RAP1A: variants seen among roughly 807,000 people sequenced by gnomAD.
RAP1A encodes ras-related protein Rap-1A.
Under a neutral mutation model 26.4 loss-of-function variants are expected in RAP1A, and 6 were observed. The ratio of observed to expected loss-of-function variants is 0.23; its 90% confidence interval spans 0.12 to 0.45. RAP1A has a LOEUF of 0.45. RAP1A is among the 20% of genes least tolerant of loss of function. RAP1A has a pLI of 0.99. For missense variants in RAP1A, 121 were observed against 217.2 expected, an observed-to-expected ratio of 0.56 and a Z score of 2.78; for synonymous variants, 73 against 79.4, an observed-to-expected ratio of 0.92 and a Z score of 0.43.
At chr1:111,583,011 T>G (rs1379623196) in intron 1 of RAP1A, among the ~76,000 whole-genome samples, 2 of 152,240 alleles carry the variant, frequency 1.3e-5, no homozygotes, top group Non-Finnish European at 2.9e-5. Flanking sequence ...CAATTCACTT[T>G]CATGGAAAGT....
chr1:111,600,899 T>C (rs1205192402), intron 1 of RAP1A, among the ~76,000 whole-genome samples: 1 of 152,174 alleles, frequency 6.6e-6, no homozygotes, highest in Admixed American at 6.5e-5. Context: ...TCAGGGTGAT[T>C]AAGAGAAAAA....
At chr1:111,557,319 C>T (rs1402397345) in intron 1 of RAP1A, among the ~76,000 whole-genome samples, 1 of 152,136 alleles carries the variant, frequency 6.6e-6, no homozygotes, top group Non-Finnish European at 1.5e-5. Context: ...GAGTCCGAGA[C>T]AGGCAGATCA....
intron 1 of RAP1A, among the ~76,000 whole-genome samples, chr1:111,549,765 C>A (rs1384305436): frequency 6.6e-6 from 1 of 152,134 alleles, no homozygotes; most frequent in Non-Finnish European, 1.5e-5. Flanking sequence ...CCTTCCACTG[C>A]AGCCCCCCAT....
chr1:111,648,465 T>C, intron 1 of RAP1A: 1 of 550,570 alleles, frequency 1.8e-6, no homozygotes, highest in Non-Finnish European at 3.4e-6. Flanking sequence ...GCCTCTAGTT[T>C]GACCTTGATA....
rs568199214 is a variant in RAP1A at position 111,699,664 on chromosome 1, C to T, written c.183+2167C>T. Among the ~76,000 whole-genome samples, 7 of 150,828 alleles carry T rather than the reference C, an allele frequency of 4.6e-5. No homozygotes were observed. In the South Asian group the frequency reaches 1.5e-3, roughly 32 times the overall value. On this transcript the variant is annotated intron_variant, in intron 4 of 7. Coordinates refer to ENST00000369709, the MANE Select transcript of RAP1A (RefSeq NM_002884.4). ...TTTTAATTTTTTGTAGAGACAGGGT[C>T]TCACTATATTGTCCAAGCTGGTCTT...
At chr1:111,648,785 C>T in intron 1 of RAP1A, 4 of 641,486 alleles carry the variant, frequency 6.2e-6, no homozygotes, top group Admixed American at 5.8e-5. Context: ...ACTTGTCTAG[C>T]TCCTGTCGAT....
chr1:111,573,916 C>T (rs1310203268), intron 1 of RAP1A, among the ~76,000 whole-genome samples: 3 of 152,044 alleles, frequency 2.0e-5, no homozygotes, highest in African/African-American at 7.3e-5. Context: ...TGTCTGTTTA[C>T]TCTGTTGATA....
upstream of RAP1A, among the ~76,000 whole-genome samples, chr1:111,619,356 T>C (rs1283087750): frequency 6.6e-6 from 1 of 152,192 alleles, no homozygotes; most frequent in Non-Finnish European, 1.5e-5. Flanking sequence ...GCAATTTTTG[T>C]CACTTGTTTG....
rs187818992 is a variant in RAP1A, at chr1:111,561,969, C to G, written c.-28+19460C>G. On this transcript the variant is annotated intron_variant, in intron 1 of 7. Transcript: ENST00000356415. ...CCTCCCTACTGACACCAGGTCATCC[C>G]TAGTTTAAATTTCTGCTTACGATAG... Among the ~76,000 whole-genome samples the G allele has an allele frequency of 7.5e-3, 1,146 of 151,936 alleles. 12 individuals are homozygous for G. Among genetic ancestry groups the G allele is most frequent in the African/African-American group, 0.026 (1,069 of 41,240 alleles).
chr1:111,682,585 T>C (rs1268568865), intron 1 of RAP1A, among the ~76,000 whole-genome samples: 1 of 150,278 alleles, frequency 6.7e-6, no homozygotes, highest in Non-Finnish European at 1.5e-5. Flanking sequence ...AAAAAGACAG[T>C]GGCATTACAT....
intron 1 of RAP1A, chr1:111,649,367 C>T (rs967829430): frequency 3.4e-5 from 13 of 382,076 alleles, no homozygotes; most frequent in Admixed American, 1.5e-4. Context: ...GCCAGCCCCT[C>T]GGCCATCCCT....
At chr1:111,697,382 A>G in intron 3 of RAP1A, 59 bp from the exon 4 acceptor site, 1 of 1,607,130 alleles carries the variant, frequency 6.2e-7, no homozygotes, top group Non-Finnish European at 8.5e-7. Context: ...AGGTGGGAAG[A>G]AAACAGAATG....
In RAP1A at chr1:111,716,197, G is replaced by A. The variant is rs117403333; in HGVS notation, c.*3796G>A. On this transcript the variant is annotated 3_prime_UTR_variant, in exon 8 of 8. Transcript: ENST00000369709. The stretch of plus-strand genomic sequence containing the variant: ...AGGCTTAAAAGGGCAGAGTGGTTTG[G>A]ATTCTTGTCCAGGGTCTGGAAAGAG... The A allele has an allele frequency of 6.6e-5, 10 of 152,330 alleles. No homozygotes were observed. In the East Asian group the frequency reaches 7.7e-4, roughly 12 times the overall value. 9.4% of individuals were successfully genotyped at this position (152,330 alleles called of 1,614,324 possible). A position where few individuals can be genotyped will look rare whatever the true frequency, so the allele number is the denominator to read the frequency against.
intron 4 of RAP1A, among the ~76,000 whole-genome samples, chr1:111,701,191 A>G (rs1459729656): frequency 6.6e-6 from 1 of 151,994 alleles, no homozygotes; most frequent in African/African-American, 2.4e-5. Context: ...CCACTGCTAT[A>G]CTCACCCACT....
At chr1:111,546,281 C>G (rs1487577953) in intron 1 of RAP1A, among the ~76,000 whole-genome samples, 1 of 152,060 alleles carries the variant, frequency 6.6e-6, no homozygotes, top group African/African-American at 2.4e-5. Context: ...ACCATTTTAA[C>G]TATTTTAAGT....
chr1:111,652,573 A>G (rs992406636), intron 1 of RAP1A, among the ~76,000 whole-genome samples: 4 of 152,164 alleles, frequency 2.6e-5, no homozygotes, highest in African/African-American at 9.7e-5. Flanking sequence ...CTCTTCATAG[A>G]TAAAGTTTGC....
At chr1:111,612,014 T>G (rs1571497391) in intron 1 of RAP1A, among the ~76,000 whole-genome samples, 1 of 27,508 alleles carries the variant, frequency 3.6e-5, no homozygotes, top group South Asian at 1.2e-3. Flanking sequence ...CGTGCTTGAG[T>G]TTTTTTTTTT....
At chr1:111,594,368 T>C (rs951058509) in intron 1 of RAP1A, among the ~76,000 whole-genome samples, 2 of 152,116 alleles carry the variant, frequency 1.3e-5, no homozygotes, top group Non-Finnish European at 2.9e-5. Flanking sequence ...TAGTCCCAGC[T>C]ACTTGGGAGG....
intron 1 of RAP1A, among the ~76,000 whole-genome samples, chr1:111,567,769 G>T (rs1277710829): frequency 2.0e-5 from 3 of 152,182 alleles, no homozygotes; most frequent in African/African-American, 7.2e-5. Flanking sequence ...CAGAGGAAAG[G>T]CCTTGCCAGA....
Sources: gnomAD v4.1 joint callset for allele counts (sites outside exome capture counted in the v4.1 genomes callset) on GRCh38, gnomAD v4.1.1 for gene constraint, MANE v1.5 for transcripts, NCBI Gene and HGNC (gene_info 2026-07-23, HGNC 2026-07-21) for gene names.